ARHGAP18: variants seen among roughly 807,000 people sequenced by gnomAD.
ARHGAP18 encodes rho GTPase-activating protein 18.
A neutral mutation model predicts 86.2 loss-of-function variants in ARHGAP18; 67 were observed. The ratio of observed to expected loss-of-function variants is 0.78; its 90% CI spans 0.64 to 0.95. The LOEUF is 0.95. Among genes scored for constraint, ARHGAP18 ranks in the 40% least tolerant of loss-of-function variants. The pLI is 0.00. For missense variants in ARHGAP18, 691 were observed against 780.4 expected, an observed-to-expected ratio of 0.89 and a Z score of 1.37; for synonymous variants, 283 against 280.4, an observed-to-expected ratio of 1.01 and a Z score of -0.09.
rs118111034 is a variant in ARHGAP18 at position 129,645,727 on chromosome 6, G to A, written c.114-3709C>T. On this transcript the variant is annotated intron_variant, in intron 1 of 14. Transcript: ENST00000368149. ...CTTCCTAGCTTGCTGTACAAGTCAC[G>A]CTCTTTCCAATACACCAGAGTATAA... Among the ~76,000 whole-genome samples, 272 of 152,208 alleles carry A rather than the reference G, an allele frequency of 1.8e-3. 1 individual carries two copies. Among genetic ancestry groups the A allele is most frequent in the Admixed American group, 8.2e-3 (125 of 15,282 alleles).
rs1250034491 is a variant in ARHGAP18 at position 129,611,449 on chromosome 6, G to T, written c.1122+84C>A. The stretch of plus-strand genomic sequence containing the variant: ...CTACTTTACTAACAATGGAAAAAAG[G>T]GGTAGAGAGGACAAGTTAGCTTTTA... On this transcript the variant is annotated intron_variant, in intron 8 of 14. Coordinates refer to ENST00000368149, the MANE Select transcript of ARHGAP18 (RefSeq NM_033515.3). 3.6e-6 allele frequency: 4 copies of T among 1,115,416 alleles called. No individual in the cohort carries two copies. In the East Asian group the frequency reaches 7.3e-5, roughly 20 times the overall value. The allele number at this position is 1,115,416 out of a possible 1,614,324, so 69.1% of individuals were successfully genotyped here.
intron 1 of ARHGAP18, among the ~76,000 whole-genome samples, chr6:129,650,780 G>A (rs374249550): frequency 5.9e-5 from 9 of 152,246 alleles, no homozygotes; most frequent in East Asian, 3.9e-4. Context: ...CAGCTGTAGA[G>A]CCACCTGGAA....
intron 14 of ARHGAP18, 84 bp from the exon 15 acceptor site, chr6:129,578,688 T>A: frequency 8.6e-7 from 1 of 1,157,824 alleles, no homozygotes; most frequent in Non-Finnish European, 1.2e-6. Flanking sequence ...ATTTAACTCT[T>A]AAGTCTTGGA....
intron 1 of ARHGAP18, among the ~76,000 whole-genome samples, chr6:129,705,035 C>G (rs1267304459): frequency 1.3e-5 from 2 of 152,184 alleles, no homozygotes; most frequent in East Asian, 3.8e-4. Context: ...TCTTCTAATT[C>G]TTGCCCCCAG....
chr6:129,699,385 A>G (rs1774675483), intron 1 of ARHGAP18, among the ~76,000 whole-genome samples: 2 of 152,206 alleles, frequency 1.3e-5, no homozygotes, highest in Non-Finnish European at 2.9e-5. Flanking sequence ...TAAAACTAGA[A>G]GCAGAAAAAA....
intron 1 of ARHGAP18, among the ~76,000 whole-genome samples, chr6:129,693,117 T>C (rs1293877801): frequency 2.0e-5 from 3 of 152,210 alleles, no homozygotes; most frequent in African/African-American, 7.2e-5. Flanking sequence ...CATCGGTAAC[T>C]GTGAGAACTC....
At position 129,578,745 on chromosome 6, in the gene ARHGAP18, G is replaced by T. The variant is rs1788229852; in HGVS notation, c.1901-141C>A. The T allele has an allele frequency of 1.1e-5, 6 of 560,460 alleles. No individual in the cohort carries two copies. The South Asian group carries it at 1.5e-4, about 14-fold the overall frequency. The allele number at this position is 560,460 out of a possible 1,614,324, so 34.7% of individuals were successfully genotyped here. On this transcript the variant is annotated intron_variant, in intron 14 of 14. Transcript: ENST00000368149. Reference sequence around the variant, plus strand: ...TTGGGAGGCCGAGGTGGGCAGATTGGTTGAGATCAGGAGTTTGAGGCCAGC... The same window carrying T: ...TTGGGAGGCCGAGGTGGGCAGATTGTTTGAGATCAGGAGTTTGAGGCCAGC...
intron 5 of ARHGAP18, among the ~76,000 whole-genome samples, chr6:129,625,051 TGATTGA>T (rs2114478208): frequency 6.3e-5 from 5 of 78,752 alleles, no homozygotes; most frequent in Admixed American, 1.7e-4. Context: ...ATAATATATA[TGATTGA>T]TATATATTTA....
chr6:129,609,250 T>C (rs921728964), intron 8 of ARHGAP18, among the ~76,000 whole-genome samples: 1 of 152,080 alleles, frequency 6.6e-6, no homozygotes, highest in Admixed American at 6.6e-5. Context: ...ACAACCAACA[T>C]TTTTGCATAT....
At chr6:129,649,422 C>A (rs144458718) in intron 1 of ARHGAP18, among the ~76,000 whole-genome samples, 1 of 151,642 alleles carries the variant, frequency 6.6e-6, no homozygotes, top group Non-Finnish European at 1.5e-5. Flanking sequence ...GGTGTAGTGG[C>A]GCACGCCTGT....
chr6:129,690,487 A>C (rs928134377), intron 1 of ARHGAP18, among the ~76,000 whole-genome samples: 1 of 152,168 alleles, frequency 6.6e-6, no homozygotes, highest in Non-Finnish European at 1.5e-5. Flanking sequence ...TCAGAGACTA[A>C]AGAGAGTTGA....
rs115184167 is a variant in ARHGAP18, at chr6:129,650,342, C to T, written c.114-8324G>A. 1.7e-3 allele frequency among the ~76,000 whole-genome samples: 258 copies of T among 152,142 alleles called. 1 individual carries two copies. The highest frequency in any genetic ancestry group is 5.8e-3 in the African/African-American group (240 of 41,486). The stretch of plus-strand genomic sequence containing the variant: ...GAATATGGGAAAGGCAGGAGACAGC[C>T]GAGGCAGGTTTCAAAAATTCACTTC... On this transcript the variant is annotated intron_variant, in intron 1 of 14. Transcript: ENST00000368149.
intron 12 of ARHGAP18, among the ~76,000 whole-genome samples, chr6:129,594,432 T>C (rs963610224): frequency 6.6e-6 from 1 of 152,298 alleles, no homozygotes; most frequent in South Asian, 2.1e-4. Flanking sequence ...GAATGGCCCA[T>C]ACTTAAACAT....
At chr6:129,683,063 T>TTTTTG (rs1774351716) in intron 1 of ARHGAP18, among the ~76,000 whole-genome samples, 2 of 149,948 alleles carry the variant, frequency 1.3e-5, no homozygotes, top group Admixed American at 1.3e-4. Context: ...TTCTTTTTTT[T>TTTTTG]TTTTTGTTTT....
intron 1 of ARHGAP18, among the ~76,000 whole-genome samples, chr6:129,662,516 GTTC>G (rs1444319379): frequency 6.6e-6 from 1 of 152,226 alleles, no homozygotes; most frequent in Non-Finnish European, 1.5e-5. Flanking sequence ...TACTAAAGCA[GTTC>G]TTCTCCTGTA....
intron 3 of ARHGAP18, 107 bp from the exon 4 acceptor site, chr6:129,634,212 G>A (rs1773282832): frequency 4.6e-6 from 4 of 870,532 alleles, no homozygotes; most frequent in Non-Finnish European, 7.1e-6. Flanking sequence ...CATGTACTCA[G>A]AATTATAACA....
At chr6:129,640,042 CA>C (rs374771260) in intron 2 of ARHGAP18, among the ~76,000 whole-genome samples, 1,068 of 72,848 alleles carry the variant, frequency 0.015, 8 homozygotes, top group African/African-American at 0.05. Context: ...GAGACTGTCT[CA>C]AAAAAAAAAA....
At chr6:129,691,650 C>T (rs904283564) in intron 1 of ARHGAP18, among the ~76,000 whole-genome samples, 32 of 152,112 alleles carry the variant, frequency 2.1e-4, no homozygotes, top group African/African-American at 4.1e-4. Flanking sequence ...AAGTGCTTCT[C>T]GGGCCACCTA....
chr6:129,592,660 T>C (rs1364250920), intron 12 of ARHGAP18, among the ~76,000 whole-genome samples: 1 of 152,122 alleles, frequency 6.6e-6, no homozygotes, highest in Non-Finnish European at 1.5e-5. Context: ...ATACAGCCAC[T>C]CTGTACCCTC....
Sources: gnomAD v4.1 joint callset for allele counts (sites outside exome capture counted in the v4.1 genomes callset) on GRCh38, gnomAD v4.1.1 for gene constraint, MANE v1.5 for transcripts, NCBI Gene and HGNC (gene_info 2026-07-23, HGNC 2026-07-21) for gene names.